The following LRRTM4 variants were observed in gnomAD, a reference collection of about 807,000 sequenced individuals.
LRRTM4 encodes the protein leucine rich repeat transmembrane neuronal 4.
Under a neutral mutation model 47.6 loss-of-function variants are expected in LRRTM4, and 25 were observed. The ratio of observed to expected loss-of-function variants is 0.53; its 90% CI spans 0.38 to 0.73. The LOEUF is 0.73. Ranked by LOEUF, LRRTM4 falls within the 30% of genes least tolerant of loss-of-function variation. The probability of loss-of-function intolerance (pLI) is 0.00; values close to 1 mark genes in which losing one functional copy is unlikely to be tolerated. For missense variants in LRRTM4, 638 were observed against 713.4 expected, an observed-to-expected ratio of 0.89 and a Z score of 1.20; for synonymous variants, 311 against 269.5, an observed-to-expected ratio of 1.15 and a Z score of -1.51.
chr2:77,479,101 G>T (rs952146934), intron 3 of LRRTM4, among the ~76,000 whole-genome samples: 1 of 151,948 alleles, frequency 6.6e-6, no homozygotes, highest in African/African-American at 2.4e-5. Flanking sequence ...TCACCATCTT[G>T]GTCAGGCTGG....
At chr2:77,124,672 T>A (rs377292355) in intron 3 of LRRTM4, among the ~76,000 whole-genome samples, 6 of 152,228 alleles carry the variant, frequency 3.9e-5, no homozygotes, top group South Asian at 2.1e-4. Flanking sequence ...TTCCAGTCCT[T>A]GAAGGGAATA....
intron 3 of LRRTM4, among the ~76,000 whole-genome samples, chr2:76,933,469 T>C (rs1674840295): frequency 6.6e-6 from 1 of 152,048 alleles, no homozygotes; most frequent in South Asian, 2.1e-4. Flanking sequence ...CCAAAAGTAA[T>C]TTCAAAAAGG....
At chr2:77,411,260 A>T (rs1674410091) in intron 3 of LRRTM4, among the ~76,000 whole-genome samples, 1 of 152,002 alleles carries the variant, frequency 6.6e-6, no homozygotes, top group Non-Finnish European at 1.5e-5. Flanking sequence ...AGCTCTGCTA[A>T]ACTTTACAAC....
At chr2:76,848,879 G>T (rs1671910822) in intron 3 of LRRTM4, among the ~76,000 whole-genome samples, 1 of 151,990 alleles carries the variant, frequency 6.6e-6, no homozygotes, top group Non-Finnish European at 1.5e-5. Flanking sequence ...GGAAGATTCT[G>T]GAAACTTATT....
intron 3 of LRRTM4, among the ~76,000 whole-genome samples, chr2:77,057,372 T>C (rs202059769): frequency 2.0e-5 from 3 of 152,274 alleles, no homozygotes; most frequent in East Asian, 3.9e-4. Context: ...GCAATTGTGA[T>C]ATGTGTGCGA....
In LRRTM4 at chr2:77,325,549, G is replaced by A. The variant is rs929729487; in HGVS notation, c.1551+192769C>T. ...GGGAGAGAGAGTAGTGTGAGAGAAC[G>A]GTCAAGACTCCTCTTGAAGATATGT... is the stretch of plus-strand genomic sequence containing the variant. On this transcript the variant is annotated intron_variant, in intron 3 of 3. Coordinates refer to ENST00000409884, the MANE Select transcript of LRRTM4 (RefSeq NM_001134745.3). Among the ~76,000 whole-genome samples the A allele has an allele frequency of 2.6e-5, 4 of 152,080 alleles. No individual in the cohort carries two copies. The East Asian group carries it at 7.7e-4, about 29-fold the overall frequency.
At chr2:77,308,108 A>T (rs947943406) in intron 3 of LRRTM4, among the ~76,000 whole-genome samples, 1 of 139,452 alleles carries the variant, frequency 7.2e-6, no homozygotes, top group Non-Finnish European at 1.5e-5. Flanking sequence ...TGTATATGTT[A>T]TATATTATTT....
At position 77,232,887 on chromosome 2, in the gene LRRTM4, C is replaced by G. The variant is rs553910623; in HGVS notation, c.1551+285431G>C. 4.6e-5 allele frequency among the ~76,000 whole-genome samples: 7 copies of G among 152,196 alleles called. No individual in the cohort carries two copies. In the East Asian group the frequency reaches 9.7e-4, roughly 21 times the overall value. ...GTTTGCAGTTTGAATCAAAACATATCTTTTAGTTCTGAGAGGAATTATCAG... is the reference window on the plus strand; with the variant it reads ...GTTTGCAGTTTGAATCAAAACATATGTTTTAGTTCTGAGAGGAATTATCAG... On this transcript the variant is annotated intron_variant, in intron 3 of 3. Coordinates refer to ENST00000409884, the MANE Select transcript of LRRTM4 (RefSeq NM_001134745.3).
At chr2:77,306,230 T>C (rs1225783552) in intron 3 of LRRTM4, among the ~76,000 whole-genome samples, 2 of 152,230 alleles carry the variant, frequency 1.3e-5, no homozygotes, top group Non-Finnish European at 2.9e-5. Flanking sequence ...TTTTAATATG[T>C]GTTGCCTTTG....
chr2:77,172,604 A>C (rs201897450), intron 3 of LRRTM4, among the ~76,000 whole-genome samples: 12,826 of 152,176 alleles, frequency 0.084, 856 homozygotes, highest in East Asian at 0.22. Context: ...AAAACATAAA[A>C]AAAAAAATAA....
chr2:77,419,302 T>C (rs1249585653), intron 3 of LRRTM4, among the ~76,000 whole-genome samples: 1 of 152,212 alleles, frequency 6.6e-6, no homozygotes, highest in Non-Finnish European at 1.5e-5. Flanking sequence ...CAATAGAATG[T>C]TCCACATTTT....
At chr2:77,457,853 G>C (rs565628109) in intron 3 of LRRTM4, among the ~76,000 whole-genome samples, 21 of 152,182 alleles carry the variant, frequency 1.4e-4, no homozygotes, top group African/African-American at 4.8e-4. Flanking sequence ...TCATGCCTCA[G>C]CTCAAAGGTC....
At position 77,044,548 on chromosome 2, in the gene LRRTM4, GTGTC is replaced by G. The variant is rs1485088274; in HGVS notation, c.1552-295636_1552-295633del. 5.3e-5 allele frequency among the ~76,000 whole-genome samples: 8 copies of G among 151,656 alleles called. No homozygotes were observed. In the South Asian group the frequency reaches 1.7e-3, roughly 31 times the overall value. On this transcript the variant is annotated intron_variant, in intron 3 of 3. Coordinates refer to ENST00000409884, the MANE Select transcript of LRRTM4 (RefSeq NM_001134745.3). Reference sequence around the variant, plus strand: ...ATGCAGATATTAGTCAAGGGTGTGTGTGTCTGTGAGTGTGTGTGTGTGCATGCAA... The same window carrying G: ...ATGCAGATATTAGTCAAGGGTGTGTGTGTGAGTGTGTGTGTGTGCATGCAA...
intron 3 of LRRTM4, among the ~76,000 whole-genome samples, chr2:77,067,544 G>C (rs1158053302): frequency 6.6e-6 from 1 of 151,920 alleles, no homozygotes; most frequent in Non-Finnish European, 1.5e-5. Context: ...TTAAGTATCA[G>C]ATGGAATACC....
intron 3 of LRRTM4, among the ~76,000 whole-genome samples, chr2:77,067,683 AC>A (rs1408481656): frequency 8.1e-6 from 1 of 123,828 alleles, no homozygotes; most frequent in East Asian, 2.5e-4. Flanking sequence ...TTTCAAAGAT[AC>A]GTACACACAC....
intron 3 of LRRTM4, among the ~76,000 whole-genome samples, chr2:77,171,074 T>C (rs1027300798): frequency 4.6e-5 from 7 of 152,110 alleles, no homozygotes; most frequent in African/African-American, 1.4e-4. Flanking sequence ...TACATATATA[T>C]GTAAACCTTA....
chr2:77,300,108 C>A (rs1304264071), intron 3 of LRRTM4, among the ~76,000 whole-genome samples: 2 of 152,130 alleles, frequency 1.3e-5, no homozygotes, highest in East Asian at 1.9e-4. Context: ...CCTCGGCCTC[C>A]CAAAGTGCTG....
intron 3 of LRRTM4, among the ~76,000 whole-genome samples, chr2:77,134,694 A>T (rs1671886163): frequency 6.6e-6 from 1 of 152,192 alleles, no homozygotes; most frequent in African/African-American, 2.4e-5. Flanking sequence ...ACTTGAAAAT[A>T]TCATGACTAA....
intron 3 of LRRTM4, among the ~76,000 whole-genome samples, chr2:77,159,672 G>C (rs1358557664): frequency 6.6e-6 from 1 of 152,000 alleles, no homozygotes; most frequent in Non-Finnish European, 1.5e-5. Flanking sequence ...GGAGGGTTTG[G>C]TCTTGCAGTC....
Sources: allele counts gnomAD v4.1 joint callset (sites outside exome capture counted in the v4.1 genomes callset), GRCh38; gene constraint gnomAD v4.1.1; transcripts MANE v1.5; gene names NCBI Gene and HGNC (gene_info 2026-07-23, HGNC 2026-07-21).